Variants in UBQLN2 observed in about 807,000 individuals in gnomAD.
UBQLN2 encodes the protein ubiquilin-2.
Under a neutral mutation model 22.2 loss-of-function variants are expected in UBQLN2, and 2 were observed. The observed-to-expected ratio is 0.09, with a 90% CI of 0.04 to 0.28. The LOEUF (loss-of-function observed/expected upper bound fraction) is 0.28, where lower values mean the gene tolerates loss of function less well. Ranked by LOEUF, UBQLN2 falls within the 10% of genes least tolerant of loss-of-function variation. The pLI, the probability that UBQLN2 is intolerant of heterozygous loss-of-function variation, is 1.00. For missense variants in UBQLN2, 446 were observed against 505.1 expected (o/e 0.88, Z 1.12); for synonymous variants, 252 against 206.7 (o/e 1.22, Z -1.88).
chrX:56,565,360 C>T lies in UBQLN2; in HGVS notation c.1487C>T (p.Thr496Ile). ...GTAIGPVGPV[T>I]PIGPIGPIVP... ...GCTATAGGCCCTGTAGGCCCAGTCA[C>T]CCCCATAGGCCCCATAGGCCCTATA... is the stretch of plus-strand genomic sequence containing the variant. The change falls in exon 1 of 1, where the codon ACC (threonine) becomes ATC (isoleucine). Residue 496 changes from threonine (T) to isoleucine (I), a missense_variant. Physicochemically the swap from Thr to Ile is moderately conservative, Grantham distance 89. Transcript: ENST00000338222. The T allele has an allele frequency of 8.3e-7, 1 of 1,204,728 alleles. No homozygotes were observed. The highest frequency in any genetic ancestry group is 1.1e-6 in the Non-Finnish European group (1 of 891,657).
chrX:56,565,680 G>A lies in UBQLN2; in HGVS notation c.1807G>A (p.Ala603Thr). Residue 603 changes from alanine (A) to threonine (T), a missense_variant, in exon 1 of 1, where the codon GCC becomes ACC. Ala to Thr is a moderately conservative substitution (Grantham distance 58). This residue lies in a region of UBQLN2 where 278 missense variants were observed against 279.4 expected (regional missense o/e 1.00). Coordinates refer to ENST00000338222, the MANE Select transcript of UBQLN2 (RefSeq NM_013444.4). Reference sequence around the variant, plus strand: ...CTTAAACCGTGAAGCAAACTTGCAGGCCCTAATAGCAACAGGAGGCGACAT... The same window carrying A: ...CTTAAACCGTGAAGCAAACTTGCAGACCCTAATAGCAACAGGAGGCGACAT... The part of the protein sequence containing the change: ...GFLNREANLQ[A>T]LIATGGDINA... 1 of 1,211,702 alleles carries A rather than the reference G, an allele frequency of 8.3e-7. No homozygotes were observed. Among genetic ancestry groups the A allele is most frequent in the Non-Finnish European group, 1.1e-6 (1 of 895,348 alleles).
rs893970989 is a variant in UBQLN2, at chrX:56,565,037, G to A, written c.1164G>A (p.Ser388=). The A allele has an allele frequency of 9.9e-6, 12 of 1,210,212 alleles. No individual in the cohort carries two copies. Among genetic ancestry groups the A allele is most frequent in the African/African-American group, 8.7e-5 (5 of 57,192 alleles). ...ENPQLIQNML[S]APYMRSMMQS... ...CCCAGCTGATTCAGAATATGCTGTCGGCGCCCTACATGAGAAGCATGATGC... is the reference window on the plus strand; with the variant it reads ...CCCAGCTGATTCAGAATATGCTGTCAGCGCCCTACATGAGAAGCATGATGC... The change falls in exon 1 of 1, where the codon TCG becomes TCA. Residue 388 remains serine, a synonymous_variant. Transcript: ENST00000338222.
chrX:56,564,394 A>C lies in UBQLN2; in HGVS notation c.521A>C (p.Gln174Pro). Residue 174 changes from glutamine (Q) to proline (P), a missense_variant, in exon 1 of 1, where the codon CAG becomes CCG. Transcript: ENST00000338222. ...FSELQSQMQQ[Q>P]LMASPEMMIQ... is the part of the protein sequence containing the mutation. ...GAGCTCCAGAGCCAGATGCAGCAGC[A>C]GCTTATGGCCAGCCCTGAGATGATG... The C allele has an allele frequency of 5.0e-6, 6 of 1,212,059 alleles. No individual in the cohort carries two copies. Among genetic ancestry groups the C allele is most frequent in the Non-Finnish European group, 6.7e-6 (6 of 895,634 alleles).
chrX:56,564,692 T>G lies in UBQLN2; in HGVS notation c.819T>G (p.Thr273=). The G allele has an allele frequency of 8.3e-7, 1 of 1,211,460 alleles. No homozygotes were observed. The highest frequency in any genetic ancestry group is 1.1e-6 in the Non-Finnish European group (1 of 895,299). ...GGYNALRRMY[T]DIQEPMLNAA... is the part of the protein sequence containing the mutation. ...ATAATGCTTTACGGCGCATGTACAC[T>G]GACATTCAAGAGCCGATGCTGAATG... Residue 273 remains threonine, a synonymous_variant, in exon 1 of 1, where the codon ACT becomes ACG. Transcript: ENST00000338222.
rs1166310107 is a variant in UBQLN2 at position 56,564,311 on chromosome X, G to T, written c.438G>T (p.Gly146=). 6 of 1,209,395 alleles carry T rather than the reference G, an allele frequency of 5.0e-6. No homozygotes were observed. The highest frequency in any genetic ancestry group is 6.7e-6 in the Non-Finnish European group (6 of 895,029). ...ISTNSNPFGL[G]SLGGLAGLSS... The stretch of plus-strand genomic sequence containing the variant: ...CAAATAGCAACCCGTTTGGGTTGGG[G>T]AGCCTGGGAGGACTTGCAGGCCTTA... The change falls in exon 1 of 1, where the codon GGG becomes GGT. Residue 146 remains glycine, a synonymous_variant. Coordinates refer to ENST00000338222, the MANE Select transcript of UBQLN2 (RefSeq NM_013444.4).
chrX:56,564,751 C>A lies in UBQLN2; in HGVS notation c.878C>A (p.Ala293Asp). 1 of 1,211,421 alleles carries A rather than the reference C, an allele frequency of 8.3e-7. No individual in the cohort carries two copies. Among genetic ancestry groups the A allele is most frequent in the Non-Finnish European group, 1.1e-6 (1 of 895,455 alleles). ...AQEQFGGNPF[A>D]SVGSSSSSGE... ...GAGCAGTTTGGGGGTAATCCATTTG[C>A]CTCCGTGGGGAGTAGTTCCTCCTCT... is the stretch of plus-strand genomic sequence containing the variant. The change falls in exon 1 of 1, where the codon GCC (alanine) becomes GAC (aspartate). Residue 293 changes from alanine (A) to aspartate (D), a missense_variant. Coordinates refer to ENST00000338222, the MANE Select transcript of UBQLN2 (RefSeq NM_013444.4).
In UBQLN2 at chrX:56,565,340, A is replaced by G; in HGVS notation, c.1467A>G (p.Ile489Met). Residue 489 changes from isoleucine (I) to methionine (M), a missense_variant, in exon 1 of 1, where the codon ATA (isoleucine) becomes ATG (methionine). Coordinates refer to ENST00000338222, the MANE Select transcript of UBQLN2 (RefSeq NM_013444.4). ...GGGTGGGGGTGCTGGGAACCGCTAT[A>G]GGCCCTGTAGGCCCAGTCACCCCCA... ...GVGVGVLGTA[I>M]GPVGPVTPIG... The G allele has an allele frequency of 8.3e-7, 1 of 1,207,883 alleles. No individual in the cohort carries two copies. The highest frequency in any genetic ancestry group is 1.7e-5 in the African/African-American group (1 of 57,697).
chrX:56,565,518 C>G lies in UBQLN2; in HGVS notation c.1645C>G (p.Pro549Ala). The change falls in exon 1 of 1, where the codon CCT becomes GCT. Residue 549 changes from proline (P) to alanine (A), a missense_variant. This residue lies in a region of UBQLN2 where 278 missense variants were observed against 279.4 expected (regional missense o/e 1.00). Transcript: ENST00000338222. ...SSAAPSETTSPTSESGPNQQF... is the reference protein window; with the variant it reads ...SSAAPSETTSATSESGPNQQF... ...CGCTGCACCTAGTGAAACCACGAGT[C>G]CTACATCAGAATCTGGACCCAACCA... 8.3e-7 allele frequency: 1 copy of G among 1,210,070 alleles called. No homozygotes were observed. The highest frequency in any genetic ancestry group is 1.1e-6 in the Non-Finnish European group (1 of 894,409).
At position 56,565,922 on chromosome X, in the gene UBQLN2, A is replaced by C; in HGVS notation, c.*174A>C. 8.3e-6 allele frequency: 4 copies of C among 484,013 alleles called. No individual in the cohort carries two copies. Among genetic ancestry groups the C allele is most frequent in the Non-Finnish European group, 1.4e-5 (4 of 281,891 alleles). The allele number at this position is 484,013 out of a possible 1,213,427, so 39.9% of individuals were successfully genotyped here. A position where few individuals can be genotyped will look rare whatever the true frequency, so the allele number is the denominator to read the frequency against. On this transcript the variant is annotated 3_prime_UTR_variant, in exon 1 of 1. Coordinates refer to ENST00000338222, the MANE Select transcript of UBQLN2 (RefSeq NM_013444.4). The stretch of plus-strand genomic sequence containing the variant: ...GGAGTCCCTCCCTCCTACTTCCCTC[A>C]CTCCCTTTCTCCTTTGCTTATTTTT...
At position 56,564,304 on chromosome X, in the gene UBQLN2, G is replaced by T. The variant is rs1430417904; in HGVS notation, c.431G>T (p.Gly144Val). The T allele has an allele frequency of 8.3e-7, 1 of 1,211,491 alleles. No individual in the cohort carries two copies. The highest frequency in any genetic ancestry group is 2.2e-5 in the Admixed American group (1 of 46,029). The part of the protein sequence containing the change: ...TPISTNSNPF[G>V]LGSLGGLAGL... The stretch of plus-strand genomic sequence containing the variant: ...ATTTCCACAAATAGCAACCCGTTTG[G>T]GTTGGGGAGCCTGGGAGGACTTGCA... The change falls in exon 1 of 1, where the codon GGG (glycine) becomes GTG (valine). Residue 144 changes from glycine (G) to valine (V), a missense_variant. Physicochemically the swap from Gly to Val is moderately radical, Grantham distance 109. This residue lies in a region of UBQLN2 where 129 missense variants were observed against 198.1 expected (regional missense o/e 0.65). Coordinates refer to ENST00000338222, the MANE Select transcript of UBQLN2 (RefSeq NM_013444.4).
chrX:56,565,002 A>G lies in UBQLN2; in HGVS notation c.1129A>G (p.Thr377Ala). The change falls in exon 1 of 1, where the codon ACT (threonine) becomes GCT (alanine). Residue 377 changes from threonine (T) to alanine (A), a missense_variant. Physicochemically the swap from Thr to Ala is moderately conservative, Grantham distance 58 (BLOSUM62 0). Coordinates refer to ENST00000338222, the MANE Select transcript of UBQLN2 (RefSeq NM_013444.4). ...PGMQSLLQQI[T>A]ENPQLIQNML... ...CATGCAGAGCCTGCTGCAACAGATA[A>G]CTGAAAACCCCCAGCTGATTCAGAA... The G allele has an allele frequency of 2.5e-6, 3 of 1,211,850 alleles. No homozygotes were observed. Among genetic ancestry groups the G allele is most frequent in the Non-Finnish European group, 3.3e-6 (3 of 895,528 alleles).
chrX:56,564,798 C>A lies in UBQLN2; in HGVS notation c.925C>A (p.Arg309Ser). 1 of 1,211,227 alleles carries A rather than the reference C, an allele frequency of 8.3e-7. No individual in the cohort carries two copies. Among genetic ancestry groups the A allele is most frequent in the Non-Finnish European group, 1.1e-6 (1 of 895,362 alleles). ...CTCTGGGGAAGGTACGCAGCCTTCC[C>A]GCACAGAAAATCGCGATCCACTACC... ...SSSGEGTQPS[R>S]TENRDPLPNP... Residue 309 changes from arginine to serine, a missense_variant, in exon 1 of 1, where the codon CGC (arginine) becomes AGC (serine). Transcript: ENST00000338222.
chrX:56,565,683 C>T lies in UBQLN2; in HGVS notation c.1810C>T (p.Leu604=). The change falls in exon 1 of 1, where the codon CTA becomes TTA. Residue 604 remains leucine (L), a synonymous_variant. Coordinates refer to ENST00000338222, the MANE Select transcript of UBQLN2 (RefSeq NM_013444.4). ...AAACCGTGAAGCAAACTTGCAGGCC[C>T]TAATAGCAACAGGAGGCGACATCAA... ...FLNREANLQA[L]IATGGDINAA... 1 of 1,211,813 alleles carries T rather than the reference C, an allele frequency of 8.3e-7. No individual in the cohort carries two copies. Among genetic ancestry groups the T allele is most frequent in the Admixed American group, 2.2e-5 (1 of 46,095 alleles).
Position 56,565,474 on chromosome X carries a change from C to T in UBQLN2, c.1601C>T (p.Thr534Met), listed in dbSNP as rs954774771. Residue 534 changes from threonine (T) to methionine (M), a missense_variant, in exon 1 of 1, where the codon ACG (threonine) becomes ATG (methionine). This residue lies in a region of UBQLN2 where 278 missense variants were observed against 279.4 expected (regional missense o/e 1.00). Coordinates refer to ENST00000338222, the MANE Select transcript of UBQLN2 (RefSeq NM_013444.4). ...PPGSTGSGGP[T>M]GPTVSSAAPS... Reference sequence around the variant, plus strand: ...GGCTCCACCGGCTCTGGTGGCCCCACGGGGCCTACTGTGTCCAGCGCTGCA... The same window carrying T: ...GGCTCCACCGGCTCTGGTGGCCCCATGGGGCCTACTGTGTCCAGCGCTGCA... 6 of 1,201,716 alleles carry T rather than the reference C, an allele frequency of 5.0e-6. No individual in the cohort carries two copies. Among genetic ancestry groups the T allele is most frequent in the African/African-American group, 1.7e-5 (1 of 57,680 alleles).
chrX:56,564,242 T>G lies in UBQLN2; in HGVS notation c.369T>G (p.Thr123=), dbSNP rs1356285129. The G allele has an allele frequency of 8.3e-7, 1 of 1,208,943 alleles. No individual in the cohort carries two copies. Among genetic ancestry groups the G allele is most frequent in the African/African-American group, 1.8e-5 (1 of 56,814 alleles). ...TQPSNAAGTN[T]TSASTPRSNS... ...CTAGCAATGCCGCGGGAACTAACAC[T>G]ACCTCGGCGTCGACTCCCAGGAGTA... The change falls in exon 1 of 1, where the codon ACT becomes ACG. Residue 123 remains threonine, a synonymous_variant. Coordinates refer to ENST00000338222, the MANE Select transcript of UBQLN2 (RefSeq NM_013444.4).
Position 56,563,674 on chromosome X carries a change from A to C in UBQLN2, c.-200A>C, listed in dbSNP as rs2068626517. 2.8e-6 allele frequency: 1 copy of C among 357,831 alleles called. No homozygotes were observed. The highest frequency in any genetic ancestry group is 7.8e-5 in the South Asian group (1 of 12,797). 29.5% of individuals were successfully genotyped at this position (357,831 alleles called of 1,213,427 possible). On this transcript the variant is annotated 5_prime_UTR_variant, in exon 1 of 1. Coordinates refer to ENST00000338222, the MANE Select transcript of UBQLN2 (RefSeq NM_013444.4). The stretch of plus-strand genomic sequence containing the variant: ...CCAGAGACCGGAGCGCGGAGACCTC[A>C]GCCAGCGGCCTACGCCCAGGCCTTT...
chrX:56,564,336 A>T lies in UBQLN2; in HGVS notation c.463A>T (p.Ser155Cys). The change falls in exon 1 of 1, where the codon AGC becomes TGC. Residue 155 changes from serine to cysteine, a missense_variant. By Grantham distance (112) the Ser-to-Cys change is moderately radical. This residue lies in a region of UBQLN2 where 129 missense variants were observed against 198.1 expected (regional missense o/e 0.65). Transcript: ENST00000338222. Reference protein sequence around the residue: ...LGSLGGLAGLSSLGLSSTNFS... With the variant: ...LGSLGGLAGLCSLGLSSTNFS... The stretch of plus-strand genomic sequence containing the variant: ...GAGCCTGGGAGGACTTGCAGGCCTT[A>T]GCAGCCTGGGCTTGAGCTCGACCAA... 1 of 1,211,629 alleles carries T rather than the reference A, an allele frequency of 8.3e-7. No individual in the cohort carries two copies. Among genetic ancestry groups the T allele is most frequent in the Non-Finnish European group, 1.1e-6 (1 of 895,391 alleles).
Position 56,563,678 on chromosome X carries a change from A to G in UBQLN2, c.-196A>G. The G allele has an allele frequency of 5.6e-6, 2 of 359,155 alleles. No homozygotes were observed. The highest frequency in any genetic ancestry group is 9.5e-6 in the Non-Finnish European group (2 of 211,482). 29.6% of individuals were successfully genotyped at this position (359,155 alleles called of 1,213,427 possible). ...AGACCGGAGCGCGGAGACCTCAGCC[A>G]GCGGCCTACGCCCAGGCCTTTCTCC... On this transcript the variant is annotated 5_prime_UTR_variant, in exon 1 of 1. Transcript: ENST00000338222.
chrX:56,563,793 C>G lies in UBQLN2; in HGVS notation c.-81C>G. ...CCCGGCCCAGCCCGCTGCGGCGGTG[C>G]CTCCTTCCTTCCTCCTTCCCTCGCG... On this transcript the variant is annotated 5_prime_UTR_variant, in exon 1 of 1. Transcript: ENST00000338222. 1 of 792,111 alleles carries G rather than the reference C, an allele frequency of 1.3e-6. No individual in the cohort carries two copies. Among genetic ancestry groups the G allele is most frequent in the Non-Finnish European group, 1.8e-6 (1 of 554,384 alleles). 65.3% of individuals were successfully genotyped at this position (792,111 alleles called of 1,213,427 possible). A position where few individuals can be genotyped will look rare whatever the true frequency, so the allele number is the denominator to read the frequency against.
Sources: gnomAD v4.1 joint callset for allele counts on GRCh38, gnomAD v4.1.1 for gene constraint, gnomAD v4.1.1 regional missense constraint, MANE v1.5 for transcripts, NCBI Gene and HGNC (gene_info 2026-07-23, HGNC 2026-07-21) for gene names.